Variants in ZNF638 observed in about 807,000 individuals in gnomAD.
ZNF638 encodes CTCL tumor antigen se33-1.
A neutral mutation model predicts 195.6 loss-of-function variants in ZNF638; 46 were observed. That is an observed-to-expected ratio of 0.24 (90% CI 0.19 to 0.30). ZNF638 has a LOEUF of 0.30. Among genes scored for constraint, ZNF638 ranks in the 10% least tolerant of loss-of-function variants. The pLI, the probability that ZNF638 is intolerant of heterozygous loss-of-function variation, is 1.00. For missense variants in ZNF638, 2,440 were observed against 2,325.3 expected, an observed-to-expected ratio of 1.05 and a Z score of -1.01; for synonymous variants, 845 against 772.0, an observed-to-expected ratio of 1.09 and a Z score of -1.57.
chr2:71,406,170 A>G lies in ZNF638; in HGVS notation c.3043A>G (p.Asn1015Asp). The G allele has an allele frequency of 6.2e-7, 1 of 1,613,774 alleles. No individual in the cohort carries two copies. The highest frequency in any genetic ancestry group is 8.5e-7 in the Non-Finnish European group (1 of 1,179,744). Residue 1015 changes from asparagine (N) to aspartate (D), a missense_variant, in exon 19 of 28, where the codon AAT becomes GAT. Around this residue, in one of 5 missense-constraint regions of ZNF638, gnomAD observed 1,883 missense variants for 1,739.1 expected, o/e 1.08. Transcript: ENST00000264447. ...TTATGATCGATTTGTACATCTTGAT[A>G]ATTTACCGGAAGATGGACTTCAGTG... ...TIYDRFVHLD[N>D]LPEDGLQCVL... is the part of the protein sequence containing the mutation.
intron 21 of ZNF638, among the ~76,000 whole-genome samples, chr2:71,419,974 C>CCCCCTTTTTTT (rs1189202093): frequency 1.5e-4 from 4 of 27,022 alleles, no homozygotes; most frequent in African/African-American, 6.4e-4. Context: ...CCCCCCCCGC[C>CCCCCTTTTTTT]TTTTTTTTTT....
chr2:71,404,031 C>A (rs1487367285), intron 17 of ZNF638, 33 bp downstream of exon 17: 14 of 1,578,202 alleles, frequency 8.9e-6, no homozygotes, highest in Non-Finnish European at 1.2e-5. Context: ...CTAGCTCTTA[C>A]TAAGTTTTTA....
chr2:71,421,141 T>A (rs2080423750), intron 21 of ZNF638, among the ~76,000 whole-genome samples: 1 of 152,138 alleles, frequency 6.6e-6, no homozygotes, highest in Non-Finnish European at 1.5e-5. Context: ...TGCAGTACAG[T>A]AATGAGGCAG....
At chr2:71,365,027 G>T (rs2079172078) in intron 5 of ZNF638, among the ~76,000 whole-genome samples, 1 of 152,138 alleles carries the variant, frequency 6.6e-6, no homozygotes, top group South Asian at 2.1e-4. Context: ...GGGAATTACA[G>T]TTGGTTTTTA....
At chr2:71,376,996 A>T (rs2079440969) in intron 8 of ZNF638, among the ~76,000 whole-genome samples, 1 of 152,128 alleles carries the variant, frequency 6.6e-6, no homozygotes, top group East Asian at 1.9e-4. Context: ...TCAGGAGCCC[A>T]GTGCAGTGGC....
At chr2:71,332,199 T>G (rs2078582895) in intron 1 of ZNF638, among the ~76,000 whole-genome samples, 1 of 152,216 alleles carries the variant, frequency 6.6e-6, no homozygotes, top group African/African-American at 2.4e-5. Context: ...TGAAGAGCCC[T>G]TTGGCGAGGC....
intron 11 of ZNF638, among the ~76,000 whole-genome samples, chr2:71,397,001 A>G (rs1020873399): frequency 1.3e-5 from 2 of 152,342 alleles, no homozygotes; most frequent in South Asian, 4.1e-4. Flanking sequence ...GAAAGGAAAC[A>G]GCCTGGAACT....
chr2:71,389,711 A>T (rs1472359295), intron 10 of ZNF638, among the ~76,000 whole-genome samples: 2 of 152,200 alleles, frequency 1.3e-5, no homozygotes, highest in African/African-American at 2.4e-5. Context: ...AAGTTCAACA[A>T]GGATCTTTAT....
chr2:71,396,353 G>A (rs1426368453), intron 11 of ZNF638, among the ~76,000 whole-genome samples, 162 bp downstream of exon 11: 1 of 152,122 alleles, frequency 6.6e-6, no homozygotes, highest in Non-Finnish European at 1.5e-5. Flanking sequence ...GAAATGATAT[G>A]TACTAGATAA....
At chr2:71,401,257 T>G (rs1439896605) in intron 15 of ZNF638, among the ~76,000 whole-genome samples, 1 of 152,096 alleles carries the variant, frequency 6.6e-6, no homozygotes, top group East Asian at 1.9e-4. Flanking sequence ...CTTTAGAAAT[T>G]TTCCCAGTAA....
Position 71,349,695 on chromosome 2 carries a change from C to T in ZNF638, c.741C>T (p.Asn247=), listed in dbSNP as rs766653261. The change falls in exon 2 of 28, where the codon AAC becomes AAT. Residue 247 remains asparagine (N), a synonymous_variant. Transcript: ENST00000264447. ...AGAATGAATTTCAGTCACAGCAGAA[C>T]ATTTCTGCATCTGTTCCCAATCCAA... ...EVENEFQSQQ[N]ISASVPNPNV... 2.2e-5 allele frequency: 36 copies of T among 1,614,058 alleles called. No individual in the cohort carries two copies. Among genetic ancestry groups the T allele is most frequent in the Non-Finnish European group, 2.8e-5 (33 of 1,180,038 alleles).
intron 1 of ZNF638, among the ~76,000 whole-genome samples, chr2:71,336,750 G>A (rs1169234928): frequency 6.6e-6 from 1 of 152,138 alleles, no homozygotes; most frequent in Non-Finnish European, 1.5e-5. Context: ...GATGAAATAG[G>A]CTTGGATTAA....
At position 71,425,188 on chromosome 2, in the gene ZNF638, GGTT is replaced by G. The variant is rs1244796120; in HGVS notation, c.4590+477_4590+479del. Among the ~76,000 whole-genome samples the G allele has an allele frequency of 3.3e-5, 5 of 152,080 alleles. No individual in the cohort carries two copies. In the South Asian group the frequency reaches 8.3e-4, roughly 25 times the overall value. On this transcript the variant is annotated intron_variant, in intron 23 of 27. Transcript: ENST00000264447. ...CTGTTGTCAAACATATTTTATATTT[GGTT>G]GTTATTTTAGGTTTTTACCATTCAT...
chr2:71,357,109 G>A (rs1407095679), intron 3 of ZNF638, among the ~76,000 whole-genome samples: 1 of 152,066 alleles, frequency 6.6e-6, no homozygotes, highest in Non-Finnish European at 1.5e-5. Context: ...AGCCTCGGGA[G>A]GTTCTGAGAA....
At chr2:71,373,643 C>T (rs1272638417) in intron 8 of ZNF638, among the ~76,000 whole-genome samples, 1 of 151,198 alleles carries the variant, frequency 6.6e-6, no homozygotes, top group African/African-American at 2.4e-5. Context: ...TGGTCTTGAT[C>T]TCCTGACCTC....
intron 10 of ZNF638, among the ~76,000 whole-genome samples, chr2:71,383,694 C>T (rs2079576289): frequency 6.6e-6 from 1 of 150,490 alleles, no homozygotes; most frequent in Admixed American, 6.6e-5. Flanking sequence ...GCCTCAGCCT[C>T]CCGAGTAGCT....
At chr2:71,339,980 T>TA (rs2078737451) in intron 1 of ZNF638, among the ~76,000 whole-genome samples, 1 of 152,200 alleles carries the variant, frequency 6.6e-6, no homozygotes. Flanking sequence ...AGGTATATCT[T>TA]ACAATAGCCC....
intron 10 of ZNF638, among the ~76,000 whole-genome samples, chr2:71,383,959 A>C (rs555384097): frequency 2.0e-5 from 3 of 151,448 alleles, no homozygotes; most frequent in Non-Finnish European, 4.4e-5. Flanking sequence ...TTACGTACAT[A>C]AACTCTTCTA....
In ZNF638 at chr2:71,423,330, G is replaced by A. The variant is rs148536654; in HGVS notation, c.3816G>A (p.Ser1272=). The A allele has an allele frequency of 3.2e-5, 52 of 1,613,838 alleles. 1 individual carries two copies. The highest frequency in any genetic ancestry group is 3.3e-4 in the Middle Eastern group (2 of 6,062). The change falls in exon 22 of 28, where the codon TCG becomes TCA. Residue 1272 remains serine (S), a synonymous_variant. Transcript: ENST00000264447. ...VAEVEKNETV[S]EILPSTCIVT... is the part of the protein sequence containing the mutation. ...AAGTAGAAAAAAATGAAACTGTTTCGGAAATATTGCCATCAACTTGTATTG... is the reference window on the plus strand; with the variant it reads ...AAGTAGAAAAAAATGAAACTGTTTCAGAAATATTGCCATCAACTTGTATTG...
Sources: allele counts gnomAD v4.1 joint callset (sites outside exome capture counted in the v4.1 genomes callset), GRCh38; gene constraint gnomAD v4.1.1; regional missense constraint gnomAD v4.1.1; transcripts MANE v1.5; gene names NCBI Gene and HGNC (gene_info 2026-07-23, HGNC 2026-07-21).